The following EPC2 variants were observed in gnomAD, a reference collection of about 807,000 sequenced individuals.
The protein encoded by EPC2 is enhancer of polycomb homolog 2.
EPC2 carries 14 observed loss-of-function variants against 92.1 expected under a neutral mutation model. The ratio of observed to expected loss-of-function variants is 0.15; its 90% CI spans 0.10 to 0.24. EPC2 has a LOEUF of 0.24. Ranked by LOEUF, EPC2 falls within the 10% of genes least tolerant of loss-of-function variation. The pLI, the probability that EPC2 is intolerant of heterozygous loss-of-function variation, is 1.00. For synonymous variants in EPC2, 340 were observed against 334.7 expected (o/e 1.02, Z -0.17); for missense variants, 755 against 971.5 (o/e 0.78, Z 2.96).
chr2:148,661,819 G>T (rs1680941224), intron 1 of EPC2, among the ~76,000 whole-genome samples: 1 of 151,948 alleles, frequency 6.6e-6, no homozygotes, highest in Non-Finnish European at 1.5e-5. Context: ...TTCCCCTTAG[G>T]TGTATTTATA....
At chr2:148,748,434 G>C (rs144372920) in intron 3 of EPC2, among the ~76,000 whole-genome samples, 149 of 152,168 alleles carry the variant, frequency 9.8e-4, no homozygotes, top group African/African-American at 3.5e-3. Flanking sequence ...TAGTTGGCCA[G>C]TTTGCACTTT....
intron 1 of EPC2, among the ~76,000 whole-genome samples, chr2:148,649,768 C>A (rs185902398): frequency 4.7e-4 from 71 of 152,202 alleles, no homozygotes; most frequent in African/African-American, 1.5e-3. Flanking sequence ...AGGGTTCTTA[C>A]AGAATCCAGA....
intron 2 of EPC2, among the ~76,000 whole-genome samples, chr2:148,724,680 G>A (rs1682457631): frequency 6.6e-6 from 1 of 152,042 alleles, no homozygotes; most frequent in Non-Finnish European, 1.5e-5. Flanking sequence ...TACAACCTCA[G>A]TAAAGAATTT....
chr2:148,726,882 C>G (rs549489704), intron 2 of EPC2, among the ~76,000 whole-genome samples: 3 of 149,626 alleles, frequency 2.0e-5, no homozygotes, highest in East Asian at 4.0e-4. Context: ...CATAAGGTTG[C>G]CTTTGCAGTC....
intron 1 of EPC2, among the ~76,000 whole-genome samples, chr2:148,665,143 C>T (rs780444879): frequency 1.3e-5 from 2 of 152,162 alleles, no homozygotes; most frequent in African/African-American, 4.8e-5. Context: ...CATCCTAGAC[C>T]TGTGAAATCA....
intron 1 of EPC2, among the ~76,000 whole-genome samples, chr2:148,660,635 AT>A: frequency 6.6e-6 from 1 of 151,048 alleles, no homozygotes; most frequent in East Asian, 1.9e-4. Flanking sequence ...AGTTAAGTAG[AT>A]TTCCCCCTTC....
chr2:148,675,014 A>G (rs907025297), intron 1 of EPC2, among the ~76,000 whole-genome samples: 1 of 152,220 alleles, frequency 6.6e-6, no homozygotes, highest in East Asian at 1.9e-4. Context: ...TAGGAACTCT[A>G]CATGACTGTC....
chr2:148,662,775 A>G (rs1435448536), intron 1 of EPC2, among the ~76,000 whole-genome samples: 1 of 152,028 alleles, frequency 6.6e-6, no homozygotes, highest in Non-Finnish European at 1.5e-5. Context: ...TACGTAACAA[A>G]CCTTCACATT....
intron 1 of EPC2, among the ~76,000 whole-genome samples, chr2:148,675,474 A>G (rs1024203581): frequency 2.0e-5 from 3 of 152,160 alleles, no homozygotes; most frequent in African/African-American, 7.2e-5. Flanking sequence ...TAGATTTATT[A>G]CATTTTCTTC....
intron 1 of EPC2, among the ~76,000 whole-genome samples, chr2:148,679,766 C>G (rs1478502911): frequency 6.6e-6 from 1 of 152,142 alleles, no homozygotes; most frequent in Non-Finnish European, 1.5e-5. Context: ...CTGACTCAGC[C>G]TCCAAAATAA....
At chr2:148,768,273 A>G (rs968068719) in intron 7 of EPC2, among the ~76,000 whole-genome samples, 1 of 152,232 alleles carries the variant, frequency 6.6e-6, no homozygotes, top group Non-Finnish European at 1.5e-5. Context: ...CTTTTAAAAA[A>G]ATTTTAATAA....
intron 2 of EPC2, among the ~76,000 whole-genome samples, chr2:148,716,286 T>C (rs1459100427): frequency 6.6e-6 from 1 of 152,192 alleles, no homozygotes; most frequent in Admixed American, 6.5e-5. Context: ...AGAGAGGGCA[T>C]GCATCTTTGT....
At chr2:148,685,617 C>T (rs888563401) in intron 1 of EPC2, among the ~76,000 whole-genome samples, 12 of 152,032 alleles carry the variant, frequency 7.9e-5, no homozygotes, top group Non-Finnish European at 1.3e-4. Context: ...AAAAATTAGC[C>T]GGGTGTGGTG....
intron 1 of EPC2, among the ~76,000 whole-genome samples, chr2:148,674,944 C>T (rs1681233388): frequency 6.6e-6 from 1 of 152,272 alleles, no homozygotes; most frequent in Non-Finnish European, 1.5e-5. Flanking sequence ...TCTTTTGTTC[C>T]TAGAAGGTTT....
In EPC2 at chr2:148,765,110, T is replaced by C. The variant is rs140757544; in HGVS notation, c.1104T>C (p.Tyr368=). ...TCAATAAGAGTGACATTAAGCAATA[T>C]GATTTTCACAGCTCAGATGAAGATG... The part of the protein sequence containing the change: ...PVINKSDIKQ[Y]DFHSSDEDEF... The change falls in exon 7 of 14, where the codon TAT becomes TAC. Residue 368 remains tyrosine, a synonymous_variant. Coordinates refer to ENST00000258484, the MANE Select transcript of EPC2 (RefSeq NM_015630.4). The C allele has an allele frequency of 3.2e-6, 5 of 1,585,358 alleles. No homozygotes were observed. The highest frequency in any genetic ancestry group is 2.7e-5 in the African/African-American group (2 of 74,084).
intron 2 of EPC2, among the ~76,000 whole-genome samples, chr2:148,705,653 G>A (rs1681983490): frequency 6.6e-6 from 1 of 152,170 alleles, no homozygotes; most frequent in Non-Finnish European, 1.5e-5. Flanking sequence ...AGCAATATTT[G>A]TTGTTCTGCA....
intron 2 of EPC2, among the ~76,000 whole-genome samples, chr2:148,705,154 A>G (rs1367661340): frequency 6.6e-6 from 1 of 152,066 alleles, no homozygotes; most frequent in Non-Finnish European, 1.5e-5. Context: ...TACCATTATA[A>G]CCAAATTAAT....
intron 2 of EPC2, among the ~76,000 whole-genome samples, chr2:148,730,661 A>G (rs1345014148): frequency 1.3e-5 from 2 of 152,192 alleles, no homozygotes; most frequent in African/African-American, 4.8e-5. Flanking sequence ...TGATACTTAC[A>G]TCAAGGAGGG....
At chr2:148,645,198 C>T (rs779180030) in intron 1 of EPC2, 28 bp downstream of exon 1, 2 of 1,544,862 alleles carry the variant, frequency 1.3e-6, no homozygotes, top group Non-Finnish European at 8.8e-7. Context: ...TATTACCCCC[C>T]CTTCCCTCCT....
Sources: gnomAD v4.1 joint callset for allele counts (sites outside exome capture counted in the v4.1 genomes callset) on GRCh38, gnomAD v4.1.1 for gene constraint, MANE v1.5 for transcripts, NCBI Gene and HGNC (gene_info 2026-07-23, HGNC 2026-07-21) for gene names.